SMG1: variants seen among roughly 807,000 people sequenced by gnomAD.
The protein encoded by SMG1 is SMG1 nonsense mediated mRNA decay associated PI3K related kinase, also known as serine/threonine-protein kinase SMG1.
In SMG1, 22 loss-of-function variants were observed where a neutral mutation model predicts 419.9. The observed-to-expected ratio is 0.05, with a 90% CI of 0.04 to 0.07. The LOEUF (loss-of-function observed/expected upper bound fraction) is 0.07. SMG1 is among the 10% of genes least tolerant of loss of function. The pLI, the probability that SMG1 is intolerant of heterozygous loss-of-function variation, is 1.00. For missense variants in SMG1, 3,185 were observed against 4,342.0 expected (o/e 0.73, Z 7.49); for synonymous variants, 1,538 against 1,553.5 (o/e 0.99, Z 0.23).
chr16:18,852,989 G>A (rs922935435), intron 31 of SMG1, among the ~76,000 whole-genome samples: 10 of 152,218 alleles, frequency 6.6e-5, no homozygotes, highest in African/African-American at 2.2e-4. Context: ...TGAATATCAA[G>A]ACTCTATCAA....
intron 10 of SMG1, among the ~76,000 whole-genome samples, chr16:18,880,168 T>G (rs1001757486): frequency 6.6e-6 from 1 of 152,198 alleles, no homozygotes; most frequent in Non-Finnish European, 1.5e-5. Context: ...TTATTAAAGT[T>G]TCTATCTACT....
chr16:18,816,561 G>A (rs758781520), intron 57 of SMG1, 32 bp from the exon 58 acceptor site: 55 of 1,567,938 alleles, frequency 3.5e-5, no homozygotes, highest in Non-Finnish European at 4.8e-5. Context: ...TTGACTTCGA[G>A]TATCAGCTGA....
Position 18,808,732 on chromosome 16 carries a change from C to T in SMG1, c.*837G>A, listed in dbSNP as rs2031086173. ...GAATCACAGAAATGACTTAAATAAC[C>T]GGAATTACATTTTGTGTGTGATCAT... On this transcript the variant is annotated 3_prime_UTR_variant, in exon 63 of 63. Transcript: ENST00000446231. 1 of 152,544 alleles carries T rather than the reference C, an allele frequency of 6.6e-6. No homozygotes were observed. Among genetic ancestry groups the T allele is most frequent in the East Asian group, 1.9e-4 (1 of 5,202 alleles). The allele number at this position is 152,544 out of a possible 1,614,324, so 9.4% of individuals were successfully genotyped here. A position where few individuals can be genotyped will look rare whatever the true frequency, so the allele number is the denominator to read the frequency against.
intron 10 of SMG1, among the ~76,000 whole-genome samples, chr16:18,881,508 A>C (rs577806820): frequency 1.1e-4 from 16 of 152,312 alleles, no homozygotes; most frequent in African/African-American, 3.6e-4. Flanking sequence ...TTTTATCCTA[A>C]CAGTAAAATT....
chr16:18,853,592 C>T lies in SMG1; in HGVS notation c.4759G>A (p.Glu1587Lys). The change falls in exon 31 of 63, where the codon GAA (glutamate) becomes AAA (lysine). Residue 1587 changes from glutamate to lysine, a missense_variant. Glu to Lys is a moderately conservative substitution (Grantham distance 56). Around this residue, in one of 27 missense-constraint regions of SMG1, gnomAD observed 493 missense variants for 552.9 expected, o/e 0.89. Transcript: ENST00000446231. ...MEEEYPRIESESTVHIGVGEP... is the reference protein window; with the variant it reads ...MEEEYPRIESKSTVHIGVGEP... ...AATAAAGCAACTCTACCTGTAGATTCACTCTCGATCCGAGGATACTCTTCT... is the reference window on the plus strand; with the variant it reads ...AATAAAGCAACTCTACCTGTAGATTTACTCTCGATCCGAGGATACTCTTCT... The T allele has an allele frequency of 6.3e-6, 10 of 1,591,500 alleles. No homozygotes were observed. The highest frequency in any genetic ancestry group is 8.6e-6 in the Non-Finnish European group (10 of 1,167,736).
Position 18,814,780 on chromosome 16 carries a change from G to GAAA in SMG1, c.10621+394_10621+395insTTT, listed in dbSNP as rs771943428. Among the ~76,000 whole-genome samples, 178 of 150,492 alleles carry GAAA rather than the reference G, an allele frequency of 1.2e-3. 1 individual carries two copies. Among genetic ancestry groups the GAAA allele is most frequent in the Non-Finnish European group, 1.9e-3 (132 of 67,848 alleles). On this transcript the variant is annotated intron_variant, in intron 60 of 62. Coordinates refer to ENST00000446231, the MANE Select transcript of SMG1 (RefSeq NM_015092.5). ...TTTAGTAGAGACAAGGTTTCACCAT[G>GAAA]TTGGCCCGACTGGTCTCAAACACCT...
At chr16:18,923,501 G>A (rs1325086136) in intron 1 of SMG1, among the ~76,000 whole-genome samples, 7 of 151,958 alleles carry the variant, frequency 4.6e-5, no homozygotes, top group Admixed American at 4.6e-4. Flanking sequence ...AAAATTAGCT[G>A]GACGCCTGTA....
rs1567371669 is a variant in SMG1 at position 18,853,704 on chromosome 16, A to G, written c.4647T>C (p.Ala1549=). 6.2e-7 allele frequency: 1 copy of G among 1,613,914 alleles called. No individual in the cohort carries two copies. Residue 1549 remains alanine, a synonymous_variant, in exon 31 of 63, where the codon GCT becomes GCC. Transcript: ENST00000446231. Reference sequence around the variant, plus strand: ...GACCTGTGAAGTTCTGTTGGTGCTGAGCTCTGTAAACCTGTTTCAGCTGTC... The same window carrying G: ...GACCTGTGAAGTTCTGTTGGTGCTGGGCTCTGTAAACCTGTTTCAGCTGTC... ...ISGQLKQVYR[A]QHQQNFTGLS...
intron 50 of SMG1, 99 bp downstream of exon 50, chr16:18,834,105 T>C: frequency 1.2e-6 from 1 of 825,672 alleles, no homozygotes; most frequent in East Asian, 2.7e-5. Context: ...TTGAGCAACA[T>C]TCAAATGGGG....
intron 10 of SMG1, among the ~76,000 whole-genome samples, chr16:18,880,692 G>A (rs1325092414): frequency 6.0e-5 from 7 of 116,868 alleles, no homozygotes; most frequent in Middle Eastern, 7.2e-3. Context: ...TCCAGCGTGG[G>A]CAACAGAGAC....
At chr16:18,861,629 G>T (rs1231327190) in intron 25 of SMG1, 1 of 152,112 alleles carries the variant, frequency 6.6e-6, no homozygotes, top group South Asian at 2.1e-4. Flanking sequence ...GGCTTCTCAG[G>T]GGGACCCTTG....
intron 62 of SMG1, 21 bp downstream of exon 62, chr16:18,811,740 C>T (rs367911681): frequency 6.2e-7 from 1 of 1,604,570 alleles, no homozygotes; most frequent in South Asian, 1.1e-5. Flanking sequence ...AATGTGTAGC[C>T]CAAGTTTAAA....
At chr16:18,887,762 T>TAAAAAAAAAAAAAAAA (rs57393561) in intron 6 of SMG1, among the ~76,000 whole-genome samples, 2 of 38,286 alleles carry the variant, frequency 5.2e-5, no homozygotes, top group Admixed American at 5.1e-4. Context: ...TCAAAAACAG[T>TAAAAAAAAAAAAAAAA]AAAAAAAAAA....
At chr16:18,925,924 G>A (rs1596679410) in intron 1 of SMG1, 26 bp downstream of exon 1, 6 of 1,506,314 alleles carry the variant, frequency 4.0e-6, no homozygotes, top group Admixed American at 2.0e-5. Flanking sequence ...GGGAGGTCGG[G>A]GCGGGGTCCC....
At position 18,830,293 on chromosome 16, in the gene SMG1, C is replaced by A; in HGVS notation, c.8869G>T (p.Gly2957Cys). The A allele has an allele frequency of 6.2e-7, 1 of 1,613,910 alleles. No homozygotes were observed. The highest frequency in any genetic ancestry group is 8.5e-7 in the Non-Finnish European group (1 of 1,179,876). Reference protein sequence around the residue: ...SVDETPKMSAGQMLLVAFDGM... With the variant: ...SVDETPKMSACQMLLVAFDGM... ...TCGAATGCTACCAAAAGCATCTGGC[C>A]AGCTGACATTTTGGGTGTTTCATCA... The change falls in exon 52 of 63, where the codon GGC (glycine) becomes TGC (cysteine). Residue 2957 changes from glycine (G) to cysteine (C), a missense_variant. Gly to Cys is a radical substitution (Grantham distance 159). Coordinates refer to ENST00000446231, the MANE Select transcript of SMG1 (RefSeq NM_015092.5).
chr16:18,832,836 T>C, intron 51 of SMG1, 104 bp downstream of exon 51: 1 of 963,674 alleles, frequency 1.0e-6, no homozygotes, highest in Non-Finnish European at 1.6e-6. Flanking sequence ...TAATTATACC[T>C]GCTCTAAAAA....
rs768884563 is a variant in SMG1, at chr16:18,819,486, A to G, written c.9894+16T>C. On this transcript the variant is annotated intron_variant, in intron 56 of 62. Transcript: ENST00000446231. ...GTAAAAGTGAATACAAAGATGGTGC[A>G]TGTAAGTCACAATACCTGACTTGCT... 12 of 1,607,698 alleles carry G rather than the reference A, an allele frequency of 7.5e-6. No homozygotes were observed. Among genetic ancestry groups the G allele is most frequent in the African/African-American group, 1.3e-5 (1 of 74,886 alleles).
rs2035680967 is a variant in SMG1, at chr16:18,869,219, C to T, written c.2718G>A (p.Leu906=). 6 of 1,611,764 alleles carry T rather than the reference C, an allele frequency of 3.7e-6. 1 individual carries two copies. The highest frequency in any genetic ancestry group is 2.3e-4 in the Middle Eastern group (1 of 4,430). Residue 906 remains leucine, a synonymous_variant, in exon 20 of 63, where the codon CTG becomes CTA. Coordinates refer to ENST00000446231, the MANE Select transcript of SMG1 (RefSeq NM_015092.5). Reference sequence around the variant, plus strand: ...ACTGCCAAAGGACAGCATCTGTCTTCAGGAGATTGCGTGGAATTGTTGACT... The same window carrying T: ...ACTGCCAAAGGACAGCATCTGTCTTTAGGAGATTGCGTGGAATTGTTGACT... ...RDQSTIPRNL[L]KTDAVLWQWA...
chr16:18,881,659 TA>T (rs2036403589), intron 10 of SMG1, among the ~76,000 whole-genome samples: 3 of 152,188 alleles, frequency 2.0e-5, no homozygotes, highest in Admixed American at 6.5e-5. Flanking sequence ...ACAGTGCAGC[TA>T]ATGTTTGAGG....
Sources: allele counts gnomAD v4.1 joint callset (sites outside exome capture counted in the v4.1 genomes callset), GRCh38; gene constraint gnomAD v4.1.1; regional missense constraint gnomAD v4.1.1; transcripts MANE v1.5; gene names NCBI Gene and HGNC (gene_info 2026-07-23, HGNC 2026-07-21).